BRINP3: variants seen among roughly 807,000 people sequenced by gnomAD.
BRINP3 encodes the protein BMP/retinoic acid inducible neural specific 3.
A neutral mutation model predicts 71.0 loss-of-function variants in BRINP3; 19 were observed. That is an observed-to-expected ratio of 0.27 (90% confidence interval 0.19 to 0.39). The LOEUF is 0.39. BRINP3 is among the 10% of genes least tolerant of loss of function. The probability of loss-of-function intolerance (pLI) is 1.00; values close to 1 mark genes in which losing one functional copy is unlikely to be tolerated. For synonymous variants in BRINP3, 380 were observed against 337.7 expected, an observed-to-expected ratio of 1.13 and a Z score of -1.37; for missense variants, 959 against 940.8, an observed-to-expected ratio of 1.02 and a Z score of -0.25.
At position 190,098,300 on chromosome 1, in the gene BRINP3, C is replaced by A. The variant is rs766071937; in HGVS notation, c.2019G>T (p.Met673Ile). The A allele has an allele frequency of 6.2e-7, 1 of 1,614,188 alleles. No homozygotes were observed. The highest frequency in any genetic ancestry group is 1.1e-5 in the South Asian group (1 of 91,084). The change falls in exon 8 of 8, where the codon ATG becomes ATT. Residue 673 changes from methionine to isoleucine, a missense_variant. Coordinates refer to ENST00000367462, the MANE Select transcript of BRINP3 (RefSeq NM_199051.3). ...INNIQVFGYSMHFDPEAIRDL... is the reference protein window; with the variant it reads ...INNIQVFGYSIHFDPEAIRDL... ...CCCGAATTGCTTCAGGGTCAAAGTG[C>A]ATGCTGTAGCCAAACACTTGAATGT...
chr1:190,295,875 CCT>C (rs1664209728), intron 2 of BRINP3, among the ~76,000 whole-genome samples: 1 of 152,062 alleles, frequency 6.6e-6, no homozygotes, highest in Admixed American at 6.6e-5. Flanking sequence ...CTTCAATTCC[CCT>C]CTTTTGGTTA....
chr1:190,214,793 C>A (rs1656263601), intron 6 of BRINP3, among the ~76,000 whole-genome samples: 1 of 151,870 alleles, frequency 6.6e-6, no homozygotes, highest in African/African-American at 2.4e-5. Flanking sequence ...CGCTGTAACT[C>A]AAGGATTTGG....
At chr1:190,101,696 T>C (rs1433692392) in intron 7 of BRINP3, among the ~76,000 whole-genome samples, 1 of 152,190 alleles carries the variant, frequency 6.6e-6, no homozygotes, top group Non-Finnish European at 1.5e-5. Context: ...TTATATTTTC[T>C]TCCCTGAAAC....
chr1:190,256,712 C>G (rs1367132176), intron 4 of BRINP3, among the ~76,000 whole-genome samples: 16 of 152,084 alleles, frequency 1.1e-4, no homozygotes, highest in Non-Finnish European at 7.4e-5. Context: ...ATTTGCTTGT[C>G]TGTAAATGAT....
chr1:190,311,890 T>A (rs1317732643), intron 2 of BRINP3, among the ~76,000 whole-genome samples: 2 of 150,242 alleles, frequency 1.3e-5, no homozygotes, highest in Non-Finnish European at 1.5e-5. Context: ...ATAAGAATAG[T>A]GCCAGGAGAG....
chr1:190,407,509 A>G (rs1209581436), intron 2 of BRINP3, among the ~76,000 whole-genome samples: 1 of 152,180 alleles, frequency 6.6e-6, no homozygotes, highest in African/African-American at 2.4e-5. Context: ...CAGAGAGTAT[A>G]CGCTTTAAGG....
intron 6 of BRINP3, among the ~76,000 whole-genome samples, chr1:190,189,921 G>T (rs1653886129): frequency 6.6e-6 from 1 of 152,044 alleles, no homozygotes; most frequent in South Asian, 2.1e-4. Context: ...TTCAGTACTG[G>T]GGCACATAAG....
intron 7 of BRINP3, among the ~76,000 whole-genome samples, chr1:190,118,655 A>G (rs564933520): frequency 6.6e-6 from 1 of 152,304 alleles, no homozygotes; most frequent in African/African-American, 2.4e-5. Context: ...GAAGGGCAAT[A>G]TGGTACTCTT....
chr1:190,254,439 T>C (rs1261876970), intron 4 of BRINP3, among the ~76,000 whole-genome samples: 1 of 152,146 alleles, frequency 6.6e-6, no homozygotes, highest in Non-Finnish European at 1.5e-5. Flanking sequence ...TGTGTCCTCT[T>C]TTATTTCGTT....
chr1:190,474,365 A>T (rs915974987), intron 1 of BRINP3: 5 of 152,664 alleles, frequency 3.3e-5, no homozygotes, highest in Admixed American at 1.3e-4. Context: ...CGATAGTAAA[A>T]CACAAGTTAT....
chr1:190,149,320 T>A (rs955334238), intron 7 of BRINP3, among the ~76,000 whole-genome samples: 9 of 152,186 alleles, frequency 5.9e-5, no homozygotes, highest in Non-Finnish European at 1.3e-4. Flanking sequence ...TTCACTTACA[T>A]GTGATGAATT....
At chr1:190,311,129 C>T (rs558172199) in intron 2 of BRINP3, among the ~76,000 whole-genome samples, 1 of 151,732 alleles carries the variant, frequency 6.6e-6, no homozygotes, top group Admixed American at 6.6e-5. Context: ...GCAAGAGTGC[C>T]AATGAACTGA....
intron 2 of BRINP3, among the ~76,000 whole-genome samples, chr1:190,368,887 A>G (rs776409083): frequency 9.2e-5 from 14 of 152,164 alleles, no homozygotes; most frequent in Non-Finnish European, 1.8e-4. Flanking sequence ...AAAACTTCGT[A>G]ATTTTGACTT....
chr1:190,105,472 T>C (rs554535511), intron 7 of BRINP3, among the ~76,000 whole-genome samples: 1 of 152,278 alleles, frequency 6.6e-6, no homozygotes, highest in Admixed American at 6.5e-5. Context: ...TGCACAGTTA[T>C]ATTACAAGGA....
intron 2 of BRINP3, among the ~76,000 whole-genome samples, chr1:190,434,329 C>G (rs1224216694): frequency 1.3e-5 from 2 of 151,804 alleles, no homozygotes; most frequent in Non-Finnish European, 2.9e-5. Flanking sequence ...AGGCTGGTCT[C>G]GAATTCCTGA....
intron 2 of BRINP3, among the ~76,000 whole-genome samples, chr1:190,406,026 G>A (rs1054013140): frequency 2.0e-5 from 3 of 152,150 alleles, no homozygotes; most frequent in Non-Finnish European, 2.9e-5. Context: ...CTTAAAATAT[G>A]ACTTCCAAAT....
chr1:190,312,962 C>A (rs1419325488), intron 2 of BRINP3, among the ~76,000 whole-genome samples: 2 of 151,808 alleles, frequency 1.3e-5, no homozygotes, highest in Non-Finnish European at 2.9e-5. Context: ...ATTTCAAATT[C>A]TTCAATGTAT....
chr1:190,266,274 C>A (rs952711079), intron 3 of BRINP3, among the ~76,000 whole-genome samples: 10 of 152,096 alleles, frequency 6.6e-5, no homozygotes, highest in African/African-American at 2.4e-4. Flanking sequence ...CTCTTTCTTA[C>A]AATAATATCA....
chr1:190,373,531 C>A (rs1670002431), intron 2 of BRINP3, among the ~76,000 whole-genome samples: 1 of 150,194 alleles, frequency 6.7e-6, no homozygotes, highest in African/African-American at 2.5e-5. Flanking sequence ...TACCAATGAT[C>A]TTCATTATTT....
Sources: allele counts gnomAD v4.1 joint callset (sites outside exome capture counted in the v4.1 genomes callset), GRCh38; gene constraint gnomAD v4.1.1; transcripts MANE v1.5; gene names NCBI Gene and HGNC (gene_info 2026-07-23, HGNC 2026-07-21).